The following NFASC variants were observed in gnomAD, a reference collection of about 807,000 sequenced individuals.
NFASC encodes the protein neurofascin homolog.
Under a neutral mutation model 147.5 loss-of-function variants are expected in NFASC, and 43 were observed. The observed-to-expected ratio is 0.29, with a 90% CI of 0.23 to 0.38. NFASC has a LOEUF of 0.38. Among genes scored for constraint, NFASC ranks in the 10% least tolerant of loss-of-function variants. NFASC has a pLI of 1.00. For synonymous variants in NFASC, 622 were observed against 665.5 expected (o/e 0.93, Z 1.01); for missense variants, 1,320 against 1,689.0 (o/e 0.78, Z 3.83).
At chr1:204,945,492 G>T (rs1045699742) in intron 3 of NFASC, among the ~76,000 whole-genome samples, 1 of 150,924 alleles carries the variant, frequency 6.6e-6, no homozygotes, top group African/African-American at 2.4e-5. Flanking sequence ...AGCCCTCCTG[G>T]CACTCTACTT....
At chr1:204,855,527 G>T (rs11240294) in intron 1 of NFASC, among the ~76,000 whole-genome samples, 27,599 of 152,106 alleles carry the variant, frequency 0.18, 3,824 homozygotes, top group East Asian at 0.52. Flanking sequence ...AGGAGGAATA[G>T]TAAAGAGACC....
intron 1 of NFASC, chr1:204,870,899 G>C: frequency 1.7e-6 from 2 of 1,205,642 alleles, no homozygotes; most frequent in South Asian, 1.5e-5. Context: ...TTTTCTCTGA[G>C]GCCAACTTTC....
At chr1:204,870,820 C>T in intron 1 of NFASC, 1 of 1,177,978 alleles carries the variant, frequency 8.5e-7, no homozygotes, top group Non-Finnish European at 1.1e-6. Flanking sequence ...GGGGAGGTGG[C>T]CGATGGGGGT....
intron 1 of NFASC, among the ~76,000 whole-genome samples, chr1:204,846,786 G>T (rs1558491359): frequency 6.6e-6 from 1 of 152,178 alleles, no homozygotes; most frequent in Non-Finnish European, 1.5e-5. Context: ...ACCACTGGCT[G>T]TGTGGCTGCT....
chr1:204,915,114 C>A (rs1484328933), intron 1 of NFASC, among the ~76,000 whole-genome samples: 1 of 151,954 alleles, frequency 6.6e-6, no homozygotes, highest in Non-Finnish European at 1.5e-5. Context: ...CCCGTCTCTA[C>A]TAAAAATACA....
At position 204,988,702 on chromosome 1, in the gene NFASC, A is replaced by C. The variant is rs536671536; in HGVS notation, c.2663A>C (p.Gln888Pro). The change falls in exon 23 of 30, where the codon CAA (glutamine) becomes CCA (proline). Residue 888 changes from glutamine to proline, a missense_variant. Gln to Pro is a moderately conservative substitution (Grantham distance 76). Transcript: ENST00000339876. ...CCCAATCAGACCAAGTTCACGGTGC[A>C]AAGAACGGACCCCGTGTCACGCTAC... ...FSPNQTKFTV[Q>P]RTDPVSRYRF... The C allele has an allele frequency of 3.7e-5, 60 of 1,614,102 alleles. No individual in the cohort carries two copies. The highest frequency in any genetic ancestry group is 5.0e-5 in the Non-Finnish European group (59 of 1,180,024).
At position 205,016,220 on chromosome 1, in the gene NFASC, C is replaced by A; in HGVS notation, c.3492-88C>A. The A allele has an allele frequency of 1.1e-6, 1 of 895,320 alleles. No homozygotes were observed. Among genetic ancestry groups the A allele is most frequent in the Non-Finnish European group, 1.8e-6 (1 of 542,668 alleles). 55.5% of individuals were successfully genotyped at this position (895,320 alleles called of 1,614,324 possible). ...GACTGGGCGGTCTCCTGGATCCCAT[C>A]CTCTCTGAGCTGTGTAGGGCATGTG... On this transcript the variant is annotated intron_variant, in intron 29 of 29. Coordinates refer to ENST00000339876, the MANE Select transcript of NFASC (RefSeq NM_001005388.3). The surrounding 1 kb of genome is among the most constrained non-coding windows in gnomAD (Gnocchi z 5.1).
intron 29 of NFASC, among the ~76,000 whole-genome samples, chr1:205,014,871 A>T (rs1476611623): frequency 6.6e-6 from 1 of 152,106 alleles, no homozygotes; most frequent in Non-Finnish European, 1.5e-5. Context: ...TAAGACCTGC[A>T]AGTGGGGTGA....
intron 27 of NFASC, among the ~76,000 whole-genome samples, chr1:205,003,381 CT>C (rs2096037139): frequency 6.6e-6 from 1 of 152,224 alleles, no homozygotes; most frequent in African/African-American, 2.4e-5. Flanking sequence ...TCTATAGCGG[CT>C]TTAGCTGTGG....
intron 15 of NFASC, 120 bp from the exon 16 acceptor site, chr1:204,976,551 C>T (rs1574028691): frequency 1.5e-6 from 1 of 659,696 alleles, no homozygotes; most frequent in Non-Finnish European, 2.6e-6. Context: ...GAGCCTCATA[C>T]CCCCAGAAGG....
At chr1:204,850,129 C>A (rs1423439271) in intron 1 of NFASC, among the ~76,000 whole-genome samples, 1 of 152,118 alleles carries the variant, frequency 6.6e-6, no homozygotes, top group East Asian at 1.9e-4. Flanking sequence ...TAATGGGTGG[C>A]CCCAGGTGAC....
chr1:204,884,481 C>G (rs926062955), intron 1 of NFASC, among the ~76,000 whole-genome samples: 4 of 152,018 alleles, frequency 2.6e-5, no homozygotes, highest in Non-Finnish European at 5.9e-5. Flanking sequence ...GAACCACCTG[C>G]GGTAGAAGAT....
chr1:204,974,114 A>G, intron 12 of NFASC, 65 bp from the exon 13 acceptor site: 1 of 1,325,910 alleles, frequency 7.5e-7, no homozygotes, highest in Non-Finnish European at 1.1e-6. Flanking sequence ...CAGAGGTGAG[A>G]CCGAGGGGGA....
At chr1:204,897,222 T>TCA (rs2083550966) in intron 1 of NFASC, among the ~76,000 whole-genome samples, 1 of 152,178 alleles carries the variant, frequency 6.6e-6, no homozygotes, top group African/African-American at 2.4e-5. Flanking sequence ...AGGAAGTGAC[T>TCA]TTTAAGCTGA....
At position 204,843,708 on chromosome 1, in the gene NFASC, CTCTT is replaced by C. The variant is rs563197914; in HGVS notation, c.-200+14930_-200+14933del. Among the ~76,000 whole-genome samples the C allele has an allele frequency of 7.4e-3, 1,056 of 142,128 alleles. 11 individuals carry two copies. The highest frequency in any genetic ancestry group is 0.026 in the African/African-American group (1,006 of 38,646). The allele number at this position is 142,128 out of a possible 152,430, so 93.2% of individuals were successfully genotyped here. A position where few individuals can be genotyped will look rare whatever the true frequency, so the allele number is the denominator to read the frequency against. ...CCTTTCTCCCTTTCTCTCTTTCTCT[CTCTT>C]TCTCTCTTTCTTTCACGGAATTTCA... On this transcript the variant is annotated intron_variant, in intron 1 of 29. Coordinates refer to ENST00000339876, the MANE Select transcript of NFASC (RefSeq NM_001005388.3).
chr1:205,016,574 G>A lies in NFASC; in HGVS notation c.*35G>A, dbSNP rs754579842. Reference sequence around the variant, plus strand: ...CCCAGGCACAGCCACCACTTTGCAAGTGGGAGGAGGGGAGAAGGGGAGACA... The same window carrying A: ...CCCAGGCACAGCCACCACTTTGCAAATGGGAGGAGGGGAGAAGGGGAGACA... On this transcript the variant is annotated 3_prime_UTR_variant, in exon 30 of 30. Transcript: ENST00000339876. This position sits in a 1 kb window ranked among gnomAD's most constrained non-coding sequence, Gnocchi z 5.1. 8.6e-6 allele frequency: 13 copies of A among 1,504,140 alleles called. 1 individual carries two copies. The South Asian group carries it at 1.2e-4, about 14-fold the overall frequency. The allele number at this position is 1,504,140 out of a possible 1,614,324, so 93.2% of individuals were successfully genotyped here. A position where few individuals can be genotyped will look rare whatever the true frequency, so the allele number is the denominator to read the frequency against.
intron 20 of NFASC, among the ~76,000 whole-genome samples, chr1:204,980,786 C>T (rs996146459): frequency 1.3e-5 from 2 of 152,176 alleles, no homozygotes; most frequent in African/African-American, 2.4e-5. Context: ...AAGATCTAAG[C>T]ACAACACCAA....
intron 13 of NFASC, 147 bp downstream of exon 13, chr1:204,974,437 C>A: frequency 1.3e-6 from 1 of 799,686 alleles, no homozygotes; most frequent in Non-Finnish European, 2.1e-6. Context: ...TCTGGATCAA[C>A]CTCCTCATTG....
rs1357279280 is a variant in NFASC, at chr1:204,975,278, C to T, written c.1566C>T (p.Thr522=). Reference sequence around the variant, plus strand: ...CTCTGGGCTTCTCCACAGACCCCACCAGGATCTACCGGATGCCCGAGGACC... The same window carrying T: ...CTCTGGGCTTCTCCACAGACCCCACTAGGATCTACCGGATGCCCGAGGACC... ...NQVRLEVKDP[T]RIYRMPEDQV... is the part of the protein sequence containing the mutation. Residue 522 remains threonine (T), a synonymous_variant, in exon 15 of 30, where the codon ACC becomes ACT. Transcript: ENST00000339876. The surrounding 1 kb of genome is among the most constrained non-coding windows in gnomAD (Gnocchi z 4.0). The T allele has an allele frequency of 6.2e-7, 1 of 1,612,054 alleles. No individual in the cohort carries two copies. Among genetic ancestry groups the T allele is most frequent in the Non-Finnish European group, 8.5e-7 (1 of 1,178,856 alleles).
Sources: gnomAD v4.1 joint callset for allele counts (sites outside exome capture counted in the v4.1 genomes callset) on GRCh38, gnomAD v4.1.1 for gene constraint, Gnocchi (gnomAD v3.1) non-coding constraint, MANE v1.5 for transcripts, NCBI Gene and HGNC (gene_info 2026-07-23, HGNC 2026-07-21) for gene names.